Variants in FCHSD2 observed in about 807,000 individuals in gnomAD.
The protein encoded by FCHSD2 is F-BAR and double SH3 domains protein 2.
A neutral mutation model predicts 108.1 loss-of-function variants in FCHSD2; 38 were observed. The observed-to-expected ratio is 0.35, with a 90% confidence interval of 0.27 to 0.46. FCHSD2 has a LOEUF of 0.46. Among genes scored for constraint, FCHSD2 ranks in the 20% least tolerant of loss-of-function variants. The pLI, the probability that FCHSD2 is intolerant of heterozygous loss-of-function variation, is 1.00. For synonymous variants in FCHSD2, 279 were observed against 314.7 expected, an observed-to-expected ratio of 0.89 and a Z score of 1.20; for missense variants, 751 against 897.8, an observed-to-expected ratio of 0.84 and a Z score of 2.09.
chr11:73,007,519 G>A lies in FCHSD2; in HGVS notation c.243-6385C>T, dbSNP rs529559659. Among the ~76,000 whole-genome samples the A allele has an allele frequency of 1.9e-4, 29 of 152,254 alleles. No homozygotes were observed. In the South Asian group the frequency reaches 6.0e-3, roughly 32 times the overall value. On this transcript the variant is annotated intron_variant, in intron 4 of 19. Transcript: ENST00000409418. ...TGGTGGCTATGCAGGAGGTGATGTG[G>A]AAGGATCACTTGGATCCAAGAGTTT...
At chr11:72,948,809 G>A (rs1856568535) in intron 8 of FCHSD2, among the ~76,000 whole-genome samples, 1 of 151,828 alleles carries the variant, frequency 6.6e-6, no homozygotes, top group Non-Finnish European at 1.5e-5. Context: ...GGGACTACAG[G>A]TGCCCGCCAC....
intron 5 of FCHSD2, among the ~76,000 whole-genome samples, chr11:72,998,852 C>G (rs1428962742): frequency 6.6e-6 from 1 of 152,064 alleles, no homozygotes; most frequent in Admixed American, 6.6e-5. Flanking sequence ...GAAATTGGAG[C>G]CCTTGTGCAC....
In FCHSD2 at chr11:73,005,879, T is replaced by A. The variant is rs537749674; in HGVS notation, c.243-4745A>T. Among the ~76,000 whole-genome samples the A allele has an allele frequency of 5.9e-5, 9 of 151,268 alleles. 1 individual carries two copies. In the South Asian group the frequency reaches 1.5e-3, roughly 25 times the overall value. ...TCCGGTCTCATGGCTTTAAAGAGTA[T>A]CAATATCCTGACTATTCCTAAACTT... On this transcript the variant is annotated intron_variant, in intron 4 of 19. Coordinates refer to ENST00000409418, the MANE Select transcript of FCHSD2 (RefSeq NM_014824.3).
chr11:73,053,694 G>A (rs1285757383), intron 3 of FCHSD2, among the ~76,000 whole-genome samples: 3 of 152,166 alleles, frequency 2.0e-5, no homozygotes, highest in East Asian at 1.9e-4. Flanking sequence ...TTTGTTTACA[G>A]TATGGGCATT....
intron 8 of FCHSD2, among the ~76,000 whole-genome samples, chr11:72,941,452 C>T (rs562197387): frequency 6.6e-6 from 1 of 151,266 alleles, no homozygotes; most frequent in South Asian, 2.1e-4. Context: ...TGTCAGTTTG[C>T]TTAGTATAAA....
At chr11:72,972,145 T>C (rs891259526) in intron 8 of FCHSD2, among the ~76,000 whole-genome samples, 3 of 152,228 alleles carry the variant, frequency 2.0e-5, no homozygotes. Flanking sequence ...TTATGTATTC[T>C]CTGCTTCAGT....
At chr11:72,856,060 G>A (rs75960712) in intron 13 of FCHSD2, among the ~76,000 whole-genome samples, 2,098 of 152,288 alleles carry the variant, frequency 0.014, 49 homozygotes, top group African/African-American at 0.048. Flanking sequence ...ACACATTTAA[G>A]GTTACAAAGA....
In FCHSD2 at chr11:72,946,797, G is replaced by A. The variant is rs564551523; in HGVS notation, c.706-24847C>T. ...AGGTAGACAACATTTTCATTTTACA[G>A]AGCAGGAAACTGAGTCCCAAGATGT... On this transcript the variant is annotated intron_variant, in intron 8 of 19. Coordinates refer to ENST00000409418, the MANE Select transcript of FCHSD2 (RefSeq NM_014824.3). Among the ~76,000 whole-genome samples, 5 of 152,254 alleles carry A rather than the reference G, an allele frequency of 3.3e-5. No homozygotes were observed. In the East Asian group the frequency reaches 9.7e-4, roughly 29 times the overall value.
chr11:72,947,978 GT>G (rs1455301127), intron 8 of FCHSD2, among the ~76,000 whole-genome samples: 1 of 151,970 alleles, frequency 6.6e-6, no homozygotes, highest in Non-Finnish European at 1.5e-5. Context: ...TTATGACATC[GT>G]TTGGGTATCA....
In FCHSD2 at chr11:72,873,950, C is replaced by T. The variant is rs114769135; in HGVS notation, c.1147-5924G>A. Among the ~76,000 whole-genome samples, 1,445 of 152,276 alleles carry T rather than the reference C, an allele frequency of 9.5e-3. 24 individuals are homozygous for T. Among genetic ancestry groups the T allele is most frequent in the African/African-American group, 0.032 (1,317 of 41,552 alleles). On this transcript the variant is annotated intron_variant, in intron 12 of 19. Coordinates refer to ENST00000409418, the MANE Select transcript of FCHSD2 (RefSeq NM_014824.3). ...GGAATGATCCAAAAAAGGATACTAC[C>T]GTGCCACTTTAACCAATCAAATATT... is the stretch of plus-strand genomic sequence containing the variant.
chr11:72,999,616 G>A (rs536743175), intron 5 of FCHSD2, among the ~76,000 whole-genome samples: 3 of 152,018 alleles, frequency 2.0e-5, no homozygotes, highest in South Asian at 2.1e-4. Context: ...CACCACACCC[G>A]GCCTTATCAA....
Position 72,838,536 on chromosome 11 carries a change from C to T in FCHSD2, c.*255G>A, listed in dbSNP as rs896288852. ...ACCACTGTTAGGCATGAGGGCTGCC[C>T]CCCTCTTTGCTCCTAGGGTCCGCTA... On this transcript the variant is annotated 3_prime_UTR_variant, in exon 20 of 20. Coordinates refer to ENST00000409418, the MANE Select transcript of FCHSD2 (RefSeq NM_014824.3). 52 of 530,702 alleles carry T rather than the reference C, an allele frequency of 9.8e-5. No individual in the cohort carries two copies. The highest frequency in any genetic ancestry group is 9.6e-4 in the African/African-American group (50 of 52,338). 32.9% of individuals were successfully genotyped at this position (530,702 alleles called of 1,614,324 possible).
intron 8 of FCHSD2, among the ~76,000 whole-genome samples, chr11:72,969,751 T>C (rs1017423187): frequency 6.6e-6 from 1 of 152,182 alleles, no homozygotes; most frequent in Non-Finnish European, 1.5e-5. Flanking sequence ...TGTCTGAAAA[T>C]AGAGTTCAGC....
intron 9 of FCHSD2, 39 bp from the exon 10 acceptor site, chr11:72,902,677 G>C: frequency 8.1e-7 from 1 of 1,235,958 alleles, no homozygotes; most frequent in Non-Finnish European, 1.1e-6. Context: ...CTTTAATGAG[G>C]TTAAAATGTC....
intron 2 of FCHSD2, among the ~76,000 whole-genome samples, chr11:73,106,167 G>C (rs1351523195): frequency 1.3e-5 from 2 of 152,090 alleles, no homozygotes; most frequent in African/African-American, 4.8e-5. Context: ...GAGTTGAGGG[G>C]AGAAACATAA....
rs1038524132 is a variant in FCHSD2, at chr11:72,925,523, C to T, written c.706-3573G>A. Among the ~76,000 whole-genome samples, 9 of 152,188 alleles carry T rather than the reference C, an allele frequency of 5.9e-5. 1 individual carries two copies. The highest frequency in any genetic ancestry group is 1.2e-4 in the Non-Finnish European group (8 of 68,038). On this transcript the variant is annotated intron_variant, in intron 8 of 19. Coordinates refer to ENST00000409418, the MANE Select transcript of FCHSD2 (RefSeq NM_014824.3). ...CCTGGGCAACAGAGCGAGACCCTAT[C>T]TTTAAAACAAACAAACAAACAAATA...
chr11:72,839,701 A>G (rs943960525), intron 19 of FCHSD2, among the ~76,000 whole-genome samples: 1 of 152,200 alleles, frequency 6.6e-6, no homozygotes, highest in Non-Finnish European at 1.5e-5. Context: ...GGAAGGGAAC[A>G]TAACTCATTT....
chr11:73,017,719 A>G (rs1170041191), intron 3 of FCHSD2, among the ~76,000 whole-genome samples: 1 of 152,178 alleles, frequency 6.6e-6, no homozygotes, highest in Non-Finnish European at 1.5e-5. Flanking sequence ...CACCTTGTTC[A>G]TAATGCTCCC....
intron 13 of FCHSD2, among the ~76,000 whole-genome samples, chr11:72,856,578 C>T (rs1338325835): frequency 6.6e-6 from 1 of 152,154 alleles, no homozygotes; most frequent in Admixed American, 6.5e-5. Flanking sequence ...TTTTTCCTGA[C>T]ATATTTATTG....
Sources: gnomAD v4.1 joint callset for allele counts (sites outside exome capture counted in the v4.1 genomes callset) on GRCh38, gnomAD v4.1.1 for gene constraint, MANE v1.5 for transcripts, NCBI Gene and HGNC (gene_info 2026-07-23, HGNC 2026-07-21) for gene names.